IMMP2L: variants seen among roughly 807,000 people sequenced by gnomAD.
IMMP2L encodes inner mitochondrial membrane peptidase subunit 2, also known as mitochondrial inner membrane protease subunit 2.
In IMMP2L, 18 loss-of-function variants were observed where a neutral mutation model predicts 19.3. The ratio of observed to expected loss-of-function variants is 0.93; its 90% confidence interval spans 0.64 to 1.38. The LOEUF (loss-of-function observed/expected upper bound fraction) is 1.38, where lower values mean the gene tolerates loss of function less well. Among genes scored for constraint, IMMP2L ranks in the 40% most tolerant of loss-of-function variants. The probability of loss-of-function intolerance (pLI) is 0.00; values close to 1 mark genes in which losing one functional copy is unlikely to be tolerated. For missense variants in IMMP2L, 233 were observed against 218.2 expected (o/e 1.07, Z -0.43); for synonymous variants, 76 against 73.0 (o/e 1.04, Z -0.21).
At chr7:110,982,258 A>C (rs1821383256) in intron 3 of IMMP2L, among the ~76,000 whole-genome samples, 1 of 152,150 alleles carries the variant, frequency 6.6e-6, no homozygotes, top group Non-Finnish European at 1.5e-5. Context: ...TGCGTCATTC[A>C]GCCAAAGATA....
intron 5 of IMMP2L, among the ~76,000 whole-genome samples, chr7:110,814,794 T>C (rs1265462397): frequency 2.0e-5 from 3 of 151,294 alleles, no homozygotes; most frequent in Non-Finnish European, 1.5e-5. Flanking sequence ...CATTACAAAT[T>C]GGTATTTTAA....
At chr7:111,098,005 T>C (rs557860182) in intron 3 of IMMP2L, among the ~76,000 whole-genome samples, 82 of 151,856 alleles carry the variant, frequency 5.4e-4, no homozygotes, top group African/African-American at 1.8e-3. Context: ...TGCTGTAGCA[T>C]TGAAAAGAAA....
chr7:111,538,136 CT>C (rs1402923239), intron 1 of IMMP2L, among the ~76,000 whole-genome samples: 8 of 152,236 alleles, frequency 5.3e-5, no homozygotes, highest in South Asian at 4.2e-4. Context: ...ATCCTTACCC[CT>C]AATCAGTTGT....
At chr7:111,115,089 T>G (rs188243821) in intron 3 of IMMP2L, among the ~76,000 whole-genome samples, 130 of 152,226 alleles carry the variant, frequency 8.5e-4, no homozygotes, top group African/African-American at 2.9e-3. Context: ...TGAGTGTTTT[T>G]CCCAGAGAGA....
At chr7:111,502,452 C>T (rs200995435) in intron 2 of IMMP2L, among the ~76,000 whole-genome samples, 2 of 152,024 alleles carry the variant, frequency 1.3e-5, no homozygotes, top group Admixed American at 6.6e-5. Context: ...ATTGAACTCA[C>T]CTCTGCCCCA....
intron 5 of IMMP2L, among the ~76,000 whole-genome samples, chr7:110,743,933 G>A (rs1258198311): frequency 6.6e-6 from 1 of 152,162 alleles, no homozygotes; most frequent in Non-Finnish European, 1.5e-5. Flanking sequence ...CCTGCAAAGG[G>A]GGCTGAAGCC....
chr7:110,970,515 T>C (rs889906647), intron 3 of IMMP2L, among the ~76,000 whole-genome samples: 5 of 152,238 alleles, frequency 3.3e-5, no homozygotes, highest in Admixed American at 6.5e-5. Flanking sequence ...CTTCTGGTTG[T>C]GAAAATCATA....
At chr7:110,996,336 G>T (rs1273799591) in intron 3 of IMMP2L, among the ~76,000 whole-genome samples, 1 of 152,094 alleles carries the variant, frequency 6.6e-6, no homozygotes, top group Admixed American at 6.6e-5. Context: ...CACATTTCAG[G>T]AGATGAAAGA....
At chr7:110,684,795 C>T (rs1012159733) in intron 5 of IMMP2L, among the ~76,000 whole-genome samples, 3 of 152,004 alleles carry the variant, frequency 2.0e-5, no homozygotes, top group African/African-American at 7.2e-5. Context: ...CAATCCATTT[C>T]CCTACCAAAG....
In IMMP2L at chr7:110,759,929, T is replaced by C. The variant is rs1798252883; in HGVS notation, c.409-96208A>G. On this transcript the variant is annotated intron_variant, in intron 5 of 5. Transcript: ENST00000405709. Reference sequence around the variant, plus strand: ...CCAACCCAGTTACTCCTTTTACCCCTGCTGTGAGGTCTCTGTCTTTGAATT... The same window carrying C: ...CCAACCCAGTTACTCCTTTTACCCCCGCTGTGAGGTCTCTGTCTTTGAATT... Among the ~76,000 whole-genome samples, 10 of 152,230 alleles carry C rather than the reference T, an allele frequency of 6.6e-5. 2 individuals are homozygous for C. The South Asian group carries it at 2.1e-3, about 32-fold the overall frequency.
intron 3 of IMMP2L, among the ~76,000 whole-genome samples, chr7:111,210,549 T>C (rs1289871414): frequency 6.6e-6 from 1 of 152,130 alleles, no homozygotes; most frequent in African/African-American, 2.4e-5. Context: ...TGGAAAGAAA[T>C]ATTTCTCTTT....
At chr7:111,103,161 G>A (rs1011577485) in intron 3 of IMMP2L, among the ~76,000 whole-genome samples, 2 of 151,504 alleles carry the variant, frequency 1.3e-5, no homozygotes, top group African/African-American at 4.8e-5. Flanking sequence ...CCTGCAAAAT[G>A]TAACTATATC....
intron 3 of IMMP2L, among the ~76,000 whole-genome samples, chr7:111,251,029 GTC>G (rs1816047384): frequency 1.3e-5 from 2 of 152,148 alleles, no homozygotes; most frequent in South Asian, 4.1e-4. Flanking sequence ...AATATTCAGA[GTC>G]TACAAGAAAC....
chr7:111,138,002 G>T (rs214854), intron 3 of IMMP2L, among the ~76,000 whole-genome samples: 14,791 of 151,626 alleles, frequency 0.098, 1,707 homozygotes, highest in African/African-American at 0.28. Flanking sequence ...TTTTTGTGGG[G>T]TTTTTTTTGT....
intron 2 of IMMP2L, among the ~76,000 whole-genome samples, chr7:111,513,567 C>T (rs1189889354): frequency 6.6e-6 from 1 of 152,040 alleles, no homozygotes; most frequent in Non-Finnish European, 1.5e-5. Context: ...GAATTGAAAA[C>T]AGAACTACCA....
intron 2 of IMMP2L, among the ~76,000 whole-genome samples, chr7:111,514,099 T>C (rs1405785314): frequency 2.0e-5 from 3 of 152,080 alleles, no homozygotes; most frequent in Admixed American, 2.0e-4. Context: ...TAATAATTTC[T>C]GGAAGTCTAA....
chr7:111,497,138 C>A (rs1843671091), intron 2 of IMMP2L, among the ~76,000 whole-genome samples: 1 of 151,934 alleles, frequency 6.6e-6, no homozygotes, highest in African/African-American at 2.4e-5. Context: ...TATAGAACGC[C>A]CCATCAAAGT....
intron 5 of IMMP2L, among the ~76,000 whole-genome samples, chr7:110,835,098 G>A (rs1466576035): frequency 1.3e-5 from 2 of 152,098 alleles, no homozygotes; most frequent in Non-Finnish European, 1.5e-5. Flanking sequence ...CCTTAGGCAG[G>A]AATAAGTATG....
intron 5 of IMMP2L, among the ~76,000 whole-genome samples, chr7:110,666,264 CTTGTTTGT>C (rs144304704): frequency 0.09 from 13,675 of 151,700 alleles, 1,742 homozygotes; most frequent in African/African-American, 0.29. Flanking sequence ...GCCTTGGTTT[CTTGTTTGT>C]TTGTTTGTTT....
Sources: allele counts gnomAD v4.1 joint callset (sites outside exome capture counted in the v4.1 genomes callset), GRCh38; gene constraint gnomAD v4.1.1; transcripts MANE v1.5; gene names NCBI Gene and HGNC (gene_info 2026-07-23, HGNC 2026-07-21).